PLXDC2: variants seen among roughly 807,000 people sequenced by gnomAD.
The protein encoded by PLXDC2 is plexin domain-containing protein 2.
A neutral mutation model predicts 68.9 loss-of-function variants in PLXDC2; 40 were observed. The observed-to-expected ratio is 0.58, with a 90% confidence interval of 0.45 to 0.76. The LOEUF (loss-of-function observed/expected upper bound fraction) is 0.76. Among genes scored for constraint, PLXDC2 ranks in the 30% least tolerant of loss-of-function variants. The pLI is 0.00. For missense variants in PLXDC2, 644 were observed against 661.9 expected (o/e 0.97, Z 0.30); for synonymous variants, 243 against 234.2 (o/e 1.04, Z -0.34).
At chr10:20,120,709 G>C (rs1055531181) in intron 4 of PLXDC2, among the ~76,000 whole-genome samples, 3 of 152,114 alleles carry the variant, frequency 2.0e-5, no homozygotes, top group Non-Finnish European at 4.4e-5. Context: ...GCAAATCCTC[G>C]AGCTTCATGT....
At chr10:20,234,403 G>A (rs758263504) in intron 12 of PLXDC2, among the ~76,000 whole-genome samples, 3 of 152,084 alleles carry the variant, frequency 2.0e-5, no homozygotes, top group Non-Finnish European at 2.9e-5. Flanking sequence ...CAGTCAGTGT[G>A]ATAAATACAG....
chr10:19,987,426 T>C (rs1834659440), intron 1 of PLXDC2, among the ~76,000 whole-genome samples: 1 of 152,210 alleles, frequency 6.6e-6, no homozygotes, highest in African/African-American at 2.4e-5. Flanking sequence ...GATTTAATAC[T>C]CTTTCTTTAG....
chr10:19,825,634 A>T (rs1836556891), intron 1 of PLXDC2, among the ~76,000 whole-genome samples: 2 of 152,180 alleles, frequency 1.3e-5, no homozygotes, highest in Admixed American at 6.5e-5. Flanking sequence ...ATCCAATAAA[A>T]TATTTATTTC....
chr10:19,898,023 C>A (rs1317103340), intron 1 of PLXDC2, among the ~76,000 whole-genome samples: 1 of 152,080 alleles, frequency 6.6e-6, no homozygotes, highest in Non-Finnish European at 1.5e-5. Context: ...ATTATTTTAT[C>A]TTGAGTACCA....
At chr10:19,910,190 A>C in intron 1 of PLXDC2, among the ~76,000 whole-genome samples, 1 of 136,154 alleles carries the variant, frequency 7.3e-6, no homozygotes, top group Non-Finnish European at 1.6e-5. Context: ...ATATATATAT[A>C]TATATGTCTG....
intron 1 of PLXDC2, among the ~76,000 whole-genome samples, chr10:19,858,175 G>A (rs1042275767): frequency 1.3e-5 from 2 of 152,096 alleles, no homozygotes; most frequent in Admixed American, 6.6e-5. Context: ...GATTTCTGGG[G>A]ACAAATTTTC....
intron 7 of PLXDC2, among the ~76,000 whole-genome samples, chr10:20,166,692 A>G (rs1003593554): frequency 7.9e-5 from 12 of 152,106 alleles, no homozygotes; most frequent in African/African-American, 2.9e-4. Flanking sequence ...TTGTTCTGAT[A>G]TATTATTGCT....
Position 19,874,014 on chromosome 10 carries a change from G to A in PLXDC2, c.112+56823G>A, listed in dbSNP as rs1837590795. On this transcript the variant is annotated intron_variant, in intron 1 of 13. Coordinates refer to ENST00000377252, the MANE Select transcript of PLXDC2 (RefSeq NM_032812.9). ...GATCTGGGTGGCCAAAGAAGGCAGA[G>A]AAGGACAGAGCCAGTTCAGCAAGGT... is the stretch of plus-strand genomic sequence containing the variant. Among the ~76,000 whole-genome samples, 4 of 105,104 alleles carry A rather than the reference G, an allele frequency of 3.8e-5. No homozygotes were observed. The South Asian group carries it at 1.2e-3, about 31-fold the overall frequency. 69.0% of individuals were successfully genotyped at this position (105,104 alleles called of 152,430 possible). A position where few individuals can be genotyped will look rare whatever the true frequency, so the allele number is the denominator to read the frequency against.
intron 2 of PLXDC2, among the ~76,000 whole-genome samples, chr10:20,037,303 G>A (rs192308745): frequency 6.6e-6 from 1 of 150,384 alleles, no homozygotes; most frequent in East Asian, 1.9e-4. Flanking sequence ...CTTGTAAGTT[G>A]GCAGTTCACC....
At chr10:20,273,118 G>A (rs187895757) in intron 13 of PLXDC2, among the ~76,000 whole-genome samples, 39 of 152,248 alleles carry the variant, frequency 2.6e-4, no homozygotes, top group East Asian at 1.9e-3. Flanking sequence ...AGAACTTAAG[G>A]CACTTCAATT....
intron 12 of PLXDC2, among the ~76,000 whole-genome samples, chr10:20,234,092 G>A (rs983457016): frequency 2.0e-5 from 3 of 151,756 alleles, no homozygotes; most frequent in Admixed American, 6.6e-5. Flanking sequence ...TTCACTAAGT[G>A]CTGGGATTGC....
At chr10:20,092,858 G>A (rs1190408934) in intron 4 of PLXDC2, among the ~76,000 whole-genome samples, 1 of 151,986 alleles carries the variant, frequency 6.6e-6, no homozygotes, top group Non-Finnish European at 1.5e-5. Context: ...TCAGAGTGAT[G>A]TGGCCACAAG....
At chr10:19,840,813 G>T (rs1836889869) in intron 1 of PLXDC2, among the ~76,000 whole-genome samples, 1 of 152,140 alleles carries the variant, frequency 6.6e-6, no homozygotes, top group African/African-American at 2.4e-5. Flanking sequence ...TATATAATTG[G>T]TATATAATTT....
chr10:19,853,648 T>C (rs1051368014), intron 1 of PLXDC2, among the ~76,000 whole-genome samples: 2 of 28,520 alleles, frequency 7.0e-5, no homozygotes, highest in Admixed American at 3.3e-4. Flanking sequence ...AATGCTGCTT[T>C]GGGTGGGGGG....
At position 20,119,621 on chromosome 10, in the gene PLXDC2, T is replaced by G. The variant is rs1403283527; in HGVS notation, c.542-23674T>G. Among the ~76,000 whole-genome samples the G allele has an allele frequency of 2.6e-5, 4 of 151,256 alleles. No individual in the cohort carries two copies. The Admixed American group carries it at 2.6e-4, about 10-fold the overall frequency. Reference sequence around the variant, plus strand: ...GCCTGACATTCCTGTCTTCTTATATTAATAAGAAAAATAAAACAAAATAGT... The same window carrying G: ...GCCTGACATTCCTGTCTTCTTATATGAATAAGAAAAATAAAACAAAATAGT... On this transcript the variant is annotated intron_variant, in intron 4 of 13. Transcript: ENST00000377252.
chr10:20,078,917 A>G (rs896218153), intron 4 of PLXDC2, among the ~76,000 whole-genome samples: 4 of 152,200 alleles, frequency 2.6e-5, no homozygotes, highest in Non-Finnish European at 4.4e-5. Context: ...TTATTTTATC[A>G]TGAAAATAAA....
chr10:20,079,488 GT>G (rs1229013035), intron 4 of PLXDC2, among the ~76,000 whole-genome samples: 3 of 152,170 alleles, frequency 2.0e-5, no homozygotes, highest in African/African-American at 7.2e-5. Flanking sequence ...AAACATGAAT[GT>G]TTATTGCTGC....
At chr10:20,111,901 C>A (rs746313996) in intron 4 of PLXDC2, among the ~76,000 whole-genome samples, 1 of 152,188 alleles carries the variant, frequency 6.6e-6, no homozygotes, top group Non-Finnish European at 1.5e-5. Flanking sequence ...GCTGAAACCC[C>A]TTTCCCAATG....
chr10:19,858,473 C>T (rs1431167287), intron 1 of PLXDC2, among the ~76,000 whole-genome samples: 1 of 152,182 alleles, frequency 6.6e-6, no homozygotes, highest in Non-Finnish European at 1.5e-5. Context: ...TTGCAGTGAA[C>T]TTACACCAAA....
Sources: gnomAD v4.1 joint callset for allele counts (sites outside exome capture counted in the v4.1 genomes callset) on GRCh38, gnomAD v4.1.1 for gene constraint, MANE v1.5 for transcripts, NCBI Gene and HGNC (gene_info 2026-07-23, HGNC 2026-07-21) for gene names.